CUX2: variants seen among roughly 807,000 people sequenced by gnomAD.
The protein encoded by CUX2 is homeobox protein cut-like 2.
A neutral mutation model predicts 144.8 loss-of-function variants in CUX2; 40 were observed. The ratio of observed to expected loss-of-function variants is 0.28; its 90% confidence interval spans 0.21 to 0.36. CUX2 has a LOEUF of 0.36. Among genes scored for constraint, CUX2 ranks in the 10% least tolerant of loss-of-function variants. CUX2 has a pLI of 1.00. For missense variants in CUX2, 1,615 were observed against 1,994.0 expected (o/e 0.81, Z 3.62); for synonymous variants, 827 against 875.6 (o/e 0.94, Z 0.98).
intron 1 of CUX2, among the ~76,000 whole-genome samples, chr12:111,074,380 T>C (rs1871405669): frequency 6.6e-6 from 1 of 152,010 alleles, no homozygotes; most frequent in South Asian, 2.1e-4. Flanking sequence ...GGTAAACACC[T>C]GAGTAGAGTA....
At chr12:111,253,821 CTTTT>C (rs35792441) in intron 3 of CUX2, among the ~76,000 whole-genome samples, 4 of 141,240 alleles carry the variant, frequency 2.8e-5, no homozygotes, top group African/African-American at 7.8e-5. Context: ...TAGAAACAGC[CTTTT>C]TTTTTTTTTT....
In CUX2 at chr12:111,307,071, G is replaced by C. The variant is rs201601231; in HGVS notation, c.1009G>C (p.Asp337His). ...GGAGGCATCCGCCAACCAGATCGCCGACCTGGAGCGGCAGCTCACGGCCAA... is the reference window on the plus strand; with the variant it reads ...GGAGGCATCCGCCAACCAGATCGCCCACCTGGAGCGGCAGCTCACGGCCAA... ...LEEASANQIA[D>H]LERQLTAKSE... is the part of the protein sequence containing the mutation. Residue 337 changes from aspartate to histidine, a missense_variant, in exon 11 of 22, where the codon GAC becomes CAC. Physicochemically the swap from Asp to His is moderately conservative, Grantham distance 81. Around this residue, in one of 12 missense-constraint regions of CUX2, gnomAD observed 295 missense variants for 400.2 expected, o/e 0.74. Coordinates refer to ENST00000261726, the MANE Select transcript of CUX2 (RefSeq NM_015267.4). This position sits in a 1 kb window ranked among gnomAD's most constrained non-coding sequence, Gnocchi z 4.1. 2 of 1,613,190 alleles carry C rather than the reference G, an allele frequency of 1.2e-6. No individual in the cohort carries two copies. Among genetic ancestry groups the C allele is most frequent in the Non-Finnish European group, 1.7e-6 (2 of 1,179,314 alleles).
At chr12:111,346,217 T>C (rs1592993690) in intron 21 of CUX2, among the ~76,000 whole-genome samples, 2 of 150,430 alleles carry the variant, frequency 1.3e-5, no homozygotes, top group East Asian at 4.0e-4. Flanking sequence ...GGCTCACACC[T>C]GTAATCCCAA....
intron 1 of CUX2, among the ~76,000 whole-genome samples, chr12:111,119,024 G>C (rs1203794192): frequency 6.6e-6 from 1 of 152,218 alleles, no homozygotes. Context: ...GCTCCTATCA[G>C]ATTGCAAAAT....
intron 18 of CUX2, among the ~76,000 whole-genome samples, chr12:111,333,257 A>G (rs1473697751): frequency 1.3e-5 from 2 of 151,832 alleles, no homozygotes; most frequent in Non-Finnish European, 2.9e-5. Context: ...GATGATGCAC[A>G]CCTGTGGTCC....
In CUX2 at chr12:111,315,085, T is replaced by G. The variant is rs189341097; in HGVS notation, c.2002+2884T>G. 1.6e-3 allele frequency among the ~76,000 whole-genome samples: 240 copies of G among 152,196 alleles called. 2 individuals carry two copies. The highest frequency in any genetic ancestry group is 5.7e-3 in the African/African-American group (236 of 41,546). On this transcript the variant is annotated intron_variant, in intron 16 of 21. Transcript: ENST00000261726. ...CCATGGGCCAGCCAGTAGTCTTATA[T>G]TCAGGGTCTAGGAGTTCAGCAAGAG... is the stretch of plus-strand genomic sequence containing the variant.
chr12:111,278,704 TTC>T (rs1361939097), intron 4 of CUX2, among the ~76,000 whole-genome samples: 3 of 152,220 alleles, frequency 2.0e-5, no homozygotes, highest in East Asian at 3.8e-4. Context: ...GGCTGTCAGG[TTC>T]TCTGAGAAAC....
chr12:111,220,742 GCAAAAAAAAAAAAAAAAAA>G (rs1881804069), intron 3 of CUX2, among the ~76,000 whole-genome samples: 1 of 38,662 alleles, frequency 2.6e-5, no homozygotes, highest in African/African-American at 1.3e-4. Context: ...CCTCATCTCT[GCAAAAAAAAAAAAAAAAAA>G]AAAAAAAAAA....
rs769891641 is a variant in CUX2, at chr12:111,186,766, G to A, written c.64-27434G>A. Reference sequence around the variant, plus strand: ...TGAGACATGTGCAGGTATTAAAATCGATATGATGTGTGTATGTTTTTTTTT... The same window carrying A: ...TGAGACATGTGCAGGTATTAAAATCAATATGATGTGTGTATGTTTTTTTTT... On this transcript the variant is annotated intron_variant, in intron 1 of 21. Transcript: ENST00000261726. The surrounding 1 kb of genome is among the most constrained non-coding windows in gnomAD (Gnocchi z 4.4). Among the ~76,000 whole-genome samples, 32 of 149,694 alleles carry A rather than the reference G, an allele frequency of 2.1e-4. No homozygotes were observed. The highest frequency in any genetic ancestry group is 3.7e-4 in the Non-Finnish European group (25 of 67,858).
Position 111,298,653 on chromosome 12 carries a change from G to A in CUX2, c.753+64G>A, listed in dbSNP as rs1229359464. On this transcript the variant is annotated intron_variant, in intron 9 of 21. Coordinates refer to ENST00000261726, the MANE Select transcript of CUX2 (RefSeq NM_015267.4). Reference sequence around the variant, plus strand: ...TCCCTCTGCCTGGGGTGGGGGTCTCGGGCCAGATGAGGAGGAAGGGACTGA... The same window carrying A: ...TCCCTCTGCCTGGGGTGGGGGTCTCAGGCCAGATGAGGAGGAAGGGACTGA... 9.6e-6 allele frequency: 14 copies of A among 1,457,800 alleles called. No homozygotes were observed. In the Admixed American group the frequency reaches 9.8e-5, roughly 10 times the overall value. 90.3% of individuals were successfully genotyped at this position (1,457,800 alleles called of 1,614,324 possible). A position where few individuals can be genotyped will look rare whatever the true frequency, so the allele number is the denominator to read the frequency against.
intron 3 of CUX2, among the ~76,000 whole-genome samples, chr12:111,251,058 G>C (rs1459705968): frequency 6.6e-6 from 1 of 152,036 alleles, no homozygotes; most frequent in East Asian, 1.9e-4. Flanking sequence ...GCTAAAGAAA[G>C]CCTCCTGTCC....
chr12:111,195,029 T>C (rs1472530771), intron 1 of CUX2, among the ~76,000 whole-genome samples: 3 of 152,164 alleles, frequency 2.0e-5, no homozygotes, highest in African/African-American at 7.2e-5. Context: ...GTCAAACTCC[T>C]ATCCCTTAAG....
intron 3 of CUX2, among the ~76,000 whole-genome samples, chr12:111,225,141 G>A (rs758638831): frequency 6.6e-6 from 1 of 152,122 alleles, no homozygotes; most frequent in Non-Finnish European, 1.5e-5. Context: ...TTTAAATGGT[G>A]GTAATAGTAC....
chr12:111,134,616 C>CTGTGTGTGTG (rs1191021541), intron 1 of CUX2, among the ~76,000 whole-genome samples: 64 of 145,210 alleles, frequency 4.4e-4, no homozygotes, highest in African/African-American at 1.7e-3. Flanking sequence ...CTCTCTCTCT[C>CTGTGTGTGTG]TCTCTGTGTG....
At chr12:111,154,579 C>T (rs1326202446) in intron 1 of CUX2, among the ~76,000 whole-genome samples, 5 of 152,150 alleles carry the variant, frequency 3.3e-5, no homozygotes, top group South Asian at 2.1e-4. Context: ...CAAGTCGGCA[C>T]GTCATAATTC....
At chr12:111,283,229 A>C (rs575099914) in intron 4 of CUX2, among the ~76,000 whole-genome samples, 24 of 151,522 alleles carry the variant, frequency 1.6e-4, no homozygotes, top group Non-Finnish European at 2.8e-4. Flanking sequence ...AAAAAAAAAA[A>C]ACCTATCCCC....
At chr12:111,226,591 C>T (rs1301283077) in intron 3 of CUX2, among the ~76,000 whole-genome samples, 1 of 152,024 alleles carries the variant, frequency 6.6e-6, no homozygotes, top group South Asian at 2.1e-4. Flanking sequence ...ATCTAAAGAA[C>T]GATATTGACT....
chr12:111,229,704 C>G (rs938070189), intron 3 of CUX2, among the ~76,000 whole-genome samples: 1 of 152,030 alleles, frequency 6.6e-6, no homozygotes, highest in Admixed American at 6.6e-5. Context: ...GAGGTCAAGA[C>G]CAGGCTTGGT....
chr12:111,311,027 C>T (rs903917656), intron 15 of CUX2, among the ~76,000 whole-genome samples: 1 of 152,226 alleles, frequency 6.6e-6, no homozygotes, highest in Non-Finnish European at 1.5e-5. Flanking sequence ...GCCAACCTTA[C>T]CAGACTTGAT....
Sources: gnomAD v4.1 joint callset for allele counts (sites outside exome capture counted in the v4.1 genomes callset) on GRCh38, gnomAD v4.1.1 for gene constraint, gnomAD v4.1.1 regional missense constraint, Gnocchi (gnomAD v3.1) non-coding constraint, MANE v1.5 for transcripts, NCBI Gene and HGNC (gene_info 2026-07-23, HGNC 2026-07-21) for gene names.